The following PCDHGA2 variants were observed in gnomAD, a reference collection of about 807,000 sequenced individuals.
PCDHGA2 encodes protocadherin gamma subfamily A, 2.
Under a neutral mutation model 59.2 loss-of-function variants are expected in PCDHGA2, and 40 were observed. The ratio of observed to expected loss-of-function variants is 0.68; its 90% CI spans 0.52 to 0.88. The LOEUF (loss-of-function observed/expected upper bound fraction) is 0.88, where lower values mean the gene tolerates loss of function less well. Among genes scored for constraint, PCDHGA2 ranks in the 40% least tolerant of loss-of-function variants. The probability of loss-of-function intolerance (pLI) is 0.00; values close to 1 mark genes in which losing one functional copy is unlikely to be tolerated. For missense variants in PCDHGA2, 1,226 were observed against 1,204.0 expected (o/e 1.02, Z -0.27); for synonymous variants, 560 against 526.0 (o/e 1.06, Z -0.89).
chr5:141,486,166 G>A lies in PCDHGA2; in HGVS notation c.2425-8641G>A. ...GCGATGGGGGTTCTCCAGCCATGGA[G>A]CAACATTGCAGCCTTCGAGTGGATC... On this transcript the variant is annotated intron_variant, in intron 1 of 3. Coordinates refer to ENST00000394576, the MANE Select transcript of PCDHGA2 (RefSeq NM_018915.4). The surrounding 1 kb of genome is among the most constrained non-coding windows in gnomAD (Gnocchi z 5.0). The A allele has an allele frequency of 2.5e-6, 4 of 1,614,224 alleles. No individual in the cohort carries two copies. The highest frequency in any genetic ancestry group is 3.4e-6 in the Non-Finnish European group (4 of 1,180,040).
At chr5:141,342,362 A>T (rs1757151315) in intron 1 of PCDHGA2, 1 of 152,022 alleles carries the variant, frequency 6.6e-6, no homozygotes, top group African/African-American at 2.4e-5. Flanking sequence ...CTCTTCCTAT[A>T]TTGGCTTTTA....
At chr5:141,458,907 A>AT (rs759653270) in intron 1 of PCDHGA2, among the ~76,000 whole-genome samples, 1 of 151,752 alleles carries the variant, frequency 6.6e-6, no homozygotes, top group Non-Finnish European at 1.5e-5. Context: ...AATTTTTTCT[A>AT]TTTTTTGTGG....
intron 1 of PCDHGA2, among the ~76,000 whole-genome samples, chr5:141,401,463 C>G (rs2094158062): frequency 6.6e-6 from 1 of 152,214 alleles, no homozygotes; most frequent in Admixed American, 6.5e-5. Flanking sequence ...AAATAATTTT[C>G]TAAGTTTATC....
In PCDHGA2 at chr5:141,338,898, A is replaced by T; in HGVS notation, c.-74A>T. 1 of 1,486,074 alleles carries T rather than the reference A, an allele frequency of 6.7e-7. No individual in the cohort carries two copies. 92.1% of individuals were successfully genotyped at this position (1,486,074 alleles called of 1,614,324 possible). A position where few individuals can be genotyped will look rare whatever the true frequency, so the allele number is the denominator to read the frequency against. On this transcript the variant is annotated 5_prime_UTR_variant, in exon 1 of 4. Transcript: ENST00000394576. ...GTCCCGTGAATGCTGGTTATCTCAC[A>T]CCCTGAGGAATAAAGATTGGAATCC...
intron 1 of PCDHGA2, chr5:141,361,668 C>A: frequency 1.2e-6 from 2 of 1,613,670 alleles, no homozygotes; most frequent in Non-Finnish European, 1.7e-6. Flanking sequence ...GCGCGCAGAG[C>A]GGGGTGGTGT....
intron 1 of PCDHGA2, chr5:141,357,277 C>T: frequency 6.2e-7 from 1 of 1,613,924 alleles, no homozygotes; most frequent in Non-Finnish European, 8.5e-7. Flanking sequence ...CACACTCTAT[C>T]TCGTGGTGGC....
intron 1 of PCDHGA2, chr5:141,424,767 A>T (rs139479155): frequency 2.9e-4 from 44 of 152,290 alleles, no homozygotes; most frequent in African/African-American, 1.0e-3. Flanking sequence ...TTCTTATGGC[A>T]AATAGTACAT....
At chr5:141,385,427 T>C (rs1052771598) in intron 1 of PCDHGA2, 27 of 1,460,068 alleles carry the variant, frequency 1.8e-5, no homozygotes, top group Non-Finnish European at 2.3e-5. Context: ...TAAAAAACTT[T>C]ATAGAGGTAA....
Position 141,338,861 on chromosome 5 carries a change from A to T in PCDHGA2, c.-111A>T. 4 of 1,436,268 alleles carry T rather than the reference A, an allele frequency of 2.8e-6. No individual in the cohort carries two copies. The South Asian group carries it at 6.2e-5, about 22-fold the overall frequency. The allele number at this position is 1,436,268 out of a possible 1,614,324, so 89.0% of individuals were successfully genotyped here. On this transcript the variant is annotated 5_prime_UTR_variant, in exon 1 of 4. Transcript: ENST00000394576. ...GTCGAACAGCCCACCAGTTCTCTCCATAGGGACCTGGGTCCCGTGAATGCT... is the reference window on the plus strand; with the variant it reads ...GTCGAACAGCCCACCAGTTCTCTCCTTAGGGACCTGGGTCCCGTGAATGCT...
Position 141,344,025 on chromosome 5 carries a change from G to T in PCDHGA2, c.2424+2630G>T, listed in dbSNP as rs777463041. On this transcript the variant is annotated intron_variant, in intron 1 of 3. Transcript: ENST00000394576. ...CCGAATTCAGAGAAAGCGATTCACC[G>T]AAAAGGAAATGACCAATTGCCTGAG... The T allele has an allele frequency of 4.6e-6, 7 of 1,527,384 alleles. No homozygotes were observed. In the South Asian group the frequency reaches 7.9e-5, roughly 17 times the overall value. 94.6% of individuals were successfully genotyped at this position (1,527,384 alleles called of 1,614,324 possible). A position where few individuals can be genotyped will look rare whatever the true frequency, so the allele number is the denominator to read the frequency against.
At chr5:141,346,182 C>T (rs763074120) in intron 1 of PCDHGA2, 6 of 1,613,908 alleles carry the variant, frequency 3.7e-6, no homozygotes, top group Non-Finnish European at 5.1e-6. Context: ...GCTCAGGCTG[C>T]GGCGCTGGCA....
chr5:141,361,046 A>G, intron 1 of PCDHGA2: 1 of 1,613,710 alleles, frequency 6.2e-7, no homozygotes, highest in East Asian at 2.2e-5. Context: ...ATCACGACAA[A>G]GGATGATTTG....
At position 141,486,250 on chromosome 5, in the gene PCDHGA2, C is replaced by T; in HGVS notation, c.2425-8557C>T. 1 of 1,614,140 alleles carries T rather than the reference C, an allele frequency of 6.2e-7. No homozygotes were observed. The highest frequency in any genetic ancestry group is 2.2e-5 in the East Asian group (1 of 44,872). On this transcript the variant is annotated intron_variant, in intron 1 of 3. Coordinates refer to ENST00000394576, the MANE Select transcript of PCDHGA2 (RefSeq NM_018915.4). The surrounding 1 kb of genome is among the most constrained non-coding windows in gnomAD (Gnocchi z 5.0). ...CAGTGACCTCAGAGCTTGGAACCCT[C>T]CCCGAGAGTGCAGAACCTGGCACTG...
rs911465424 is a variant in PCDHGA2 at position 141,449,724 on chromosome 5, AT to A, written c.2425-45076del. ...AAACACATTATTTTTATATGATATG[AT>A]TTTTTTATGACATGATTATTTTTAT... On this transcript the variant is annotated intron_variant, in intron 1 of 3. Coordinates refer to ENST00000394576, the MANE Select transcript of PCDHGA2 (RefSeq NM_018915.4). 1.2e-4 allele frequency among the ~76,000 whole-genome samples: 18 copies of A among 151,282 alleles called. No homozygotes were observed. The South Asian group carries it at 1.9e-3, about 16-fold the overall frequency.
At chr5:141,473,229 T>G (rs891825934) in intron 1 of PCDHGA2, among the ~76,000 whole-genome samples, 8 of 152,160 alleles carry the variant, frequency 5.3e-5, no homozygotes, top group Admixed American at 1.3e-4. Context: ...GGAGATTGGA[T>G]CCACACAAGT....
intron 1 of PCDHGA2, chr5:141,400,718 A>G (rs2094066078): frequency 3.0e-6 from 2 of 671,700 alleles, no homozygotes; most frequent in Non-Finnish European, 5.0e-6. Flanking sequence ...AGCCTTATAG[A>G]TTTACAAAGT....
intron 1 of PCDHGA2, chr5:141,365,288 G>A (rs1293975471): frequency 6.2e-7 from 1 of 1,613,960 alleles, no homozygotes; most frequent in Non-Finnish European, 8.5e-7. Context: ...CATGGAAGTG[G>A]TAGCTCAGGA....
intron 1 of PCDHGA2, chr5:141,404,513 G>A: frequency 1.2e-6 from 2 of 1,613,786 alleles, no homozygotes; most frequent in Non-Finnish European, 1.7e-6. Context: ...GTGCTCCTTT[G>A]ACTATGAGCA....
chr5:141,405,260 T>A, intron 1 of PCDHGA2: 1 of 1,614,140 alleles, frequency 6.2e-7, no homozygotes, highest in South Asian at 1.1e-5. Flanking sequence ...TCACCTGATC[T>A]TCCCCCAGCC....
Sources: gnomAD v4.1 joint callset for allele counts (sites outside exome capture counted in the v4.1 genomes callset) on GRCh38, gnomAD v4.1.1 for gene constraint, Gnocchi (gnomAD v3.1) non-coding constraint, MANE v1.5 for transcripts, NCBI Gene and HGNC (gene_info 2026-07-23, HGNC 2026-07-21) for gene names.